COL1A1: variants seen among roughly 807,000 people sequenced by gnomAD.
COL1A1 encodes the protein collagen alpha-1(I) chain.
In COL1A1, 21 loss-of-function variants were observed where a neutral mutation model predicts 195.7. The ratio of observed to expected loss-of-function variants is 0.11; its 90% confidence interval spans 0.08 to 0.15. The LOEUF (loss-of-function observed/expected upper bound fraction) is 0.15. COL1A1 is among the 10% of genes least tolerant of loss of function. The probability of loss-of-function intolerance (pLI) is 1.00; values close to 1 mark genes in which losing one functional copy is unlikely to be tolerated. For missense variants in COL1A1, 1,365 were observed against 2,051.0 expected (o/e 0.67, Z 6.46); for synonymous variants, 749 against 747.3 (o/e 1.00, Z -0.04).
intron 45 of COL1A1, 32 bp from the exon 46 acceptor site, chr17:50,187,569 C>T (rs1367894664): frequency 6.2e-7 from 1 of 1,612,444 alleles, no homozygotes; most frequent in Non-Finnish European, 8.5e-7. Context: ...CAGTTCAGGC[C>T]CAGTGAGCGT....
Position 50,195,264 on chromosome 17 carries a change from G to A in COL1A1, c.1267C>T (p.Pro423Ser). The A allele has an allele frequency of 1.9e-6, 3 of 1,613,496 alleles. No individual in the cohort carries two copies. Among genetic ancestry groups the A allele is most frequent in the Non-Finnish European group, 2.5e-6 (3 of 1,179,720 alleles). The change falls in exon 19 of 51, where the codon CCC becomes TCC. Residue 423 changes from proline to serine, a missense_variant. Around this residue, in one of 5 missense-constraint regions of COL1A1, gnomAD observed 226 missense variants for 372.9 expected, o/e 0.61. Coordinates refer to ENST00000225964, the MANE Select transcript of COL1A1 (RefSeq NM_000088.4). The surrounding 1 kb of genome is among the most constrained non-coding windows in gnomAD (Gnocchi z 4.3). ...GARGPSGPQG[P>S]GGPPGPKGNS... ...CCCTTGGGACCAGGAGGGCCGCCGG[G>A]GCCCTGGGGTCCAGAGGGGCCTCGG... is the stretch of plus-strand genomic sequence containing the variant.
chr17:50,201,308 G>C (rs768457881), intron 1 of COL1A1, 103 bp downstream of exon 1: 4 of 1,053,790 alleles, frequency 3.8e-6, no homozygotes, highest in East Asian at 5.1e-5. Flanking sequence ...TTCCATTCCC[G>C]AGTCTCCGGA....
chr17:50,197,496 G>A (rs1640998946), intron 9 of COL1A1, among the ~76,000 whole-genome samples: 1 of 152,240 alleles, frequency 6.6e-6, no homozygotes, highest in Non-Finnish European at 1.5e-5. Context: ...TCCCCAAAGG[G>A]ATGGGGTTGG....
At chr17:50,192,104 C>G in intron 29 of COL1A1, 80 bp from the exon 30 acceptor site, 1 of 1,478,172 alleles carries the variant, frequency 6.8e-7, no homozygotes, top group Non-Finnish European at 9.3e-7. Flanking sequence ...GTCCTTCCTC[C>G]TGGGGTCTGG....
rs765992067 is a variant in COL1A1, at chr17:50,190,138, G to A, written c.2452-30C>T. 1 of 1,588,666 alleles carries A rather than the reference G, an allele frequency of 6.3e-7. No individual in the cohort carries two copies. Among genetic ancestry groups the A allele is most frequent in the South Asian group, 1.1e-5 (1 of 90,566 alleles). Reference sequence around the variant, plus strand: ...GGGAGGAAGCAGGGCGGTGAATGGAGGGAAGGAGGCAGGAGTTTCCACTAC... The same window carrying A: ...GGGAGGAAGCAGGGCGGTGAATGGAAGGAAGGAGGCAGGAGTTTCCACTAC... On this transcript the variant is annotated intron_variant, in intron 35 of 50. Coordinates refer to ENST00000225964, the MANE Select transcript of COL1A1 (RefSeq NM_000088.4). The surrounding 1 kb of genome is among the most constrained non-coding windows in gnomAD (Gnocchi z 4.7).
Position 50,190,854 on chromosome 17 carries a change from A to G in COL1A1, c.2306T>C (p.Ile769Thr), listed in dbSNP as rs1339732084. Reference sequence around the variant, plus strand: ...GGCACCAGCAGGGCCAGGAGGACCAATGGGGCCAGTCAGACCACGGACGCC... The same window carrying G: ...GGCACCAGCAGGGCCAGGAGGACCAGTGGGGCCAGTCAGACCACGGACGCC... ...KDGVRGLTGPIGPPGPAGAPG... is the reference protein window; with the variant it reads ...KDGVRGLTGPTGPPGPAGAPG... The change falls in exon 33 of 51, where the codon ATT becomes ACT. Residue 769 changes from isoleucine (I) to threonine (T), a missense_variant. By Grantham distance (89) the Ile-to-Thr change is moderately conservative. Coordinates refer to ENST00000225964, the MANE Select transcript of COL1A1 (RefSeq NM_000088.4). This position sits in a 1 kb window ranked among gnomAD's most constrained non-coding sequence, Gnocchi z 4.7. 5 of 1,613,730 alleles carry G rather than the reference A, an allele frequency of 3.1e-6. No homozygotes were observed. The highest frequency in any genetic ancestry group is 4.2e-6 in the Non-Finnish European group (5 of 1,179,806).
At chr17:50,191,345 C>A (rs1567757030) in intron 32 of COL1A1, 38 bp downstream of exon 32, 2 of 1,550,228 alleles carry the variant, frequency 1.3e-6, no homozygotes, top group Admixed American at 1.7e-5. Context: ...GAGATGGGAG[C>A]CATGTAGGGC....
At position 50,194,343 on chromosome 17, in the gene COL1A1, C is replaced by T; in HGVS notation, c.1614+6G>A. 1 of 1,614,076 alleles carries T rather than the reference C, an allele frequency of 6.2e-7. No individual in the cohort carries two copies. Among genetic ancestry groups the T allele is most frequent in the Non-Finnish European group, 8.5e-7 (1 of 1,179,992 alleles). ...GCCAAGCCAGGCTGAAAGCCTGGGGCCTCACCTTGGCACCAGGCAGACCAG... is the reference window on the plus strand; with the variant it reads ...GCCAAGCCAGGCTGAAAGCCTGGGGTCTCACCTTGGCACCAGGCAGACCAG... On this transcript the variant is annotated splice_donor_region_variant and intron_variant, in intron 23 of 50. Transcript: ENST00000225964. The surrounding 1 kb of genome is among the most constrained non-coding windows in gnomAD (Gnocchi z 6.8).
chr17:50,197,696 G>A, intron 9 of COL1A1, 36 bp downstream of exon 9: 5 of 1,522,712 alleles, frequency 3.3e-6, no homozygotes, highest in Non-Finnish European at 3.5e-6. Flanking sequence ...TGGAGGCCAT[G>A]GGGTCAGATG....
chr17:50,199,119 C>A (rs1598301050), intron 5 of COL1A1, 107 bp downstream of exon 5: 1 of 1,332,680 alleles, frequency 7.5e-7, no homozygotes, highest in South Asian at 1.8e-5. Flanking sequence ...AGGATTCTTG[C>A]AACTTTTCTG....
Position 50,194,059 on chromosome 17 carries a change from G to C in COL1A1, c.1669-18C>G, listed in dbSNP as rs768091337. 1.2e-6 allele frequency: 2 copies of C among 1,612,528 alleles called. No individual in the cohort carries two copies. The highest frequency in any genetic ancestry group is 2.2e-5 in the South Asian group (2 of 91,032). On this transcript the variant is annotated intron_variant, in intron 24 of 50. Coordinates refer to ENST00000225964, the MANE Select transcript of COL1A1 (RefSeq NM_000088.4). The surrounding 1 kb of genome is among the most constrained non-coding windows in gnomAD (Gnocchi z 6.8). ...GCGGGACCCTAAGGATGGGAGGCAC[G>C]AAAGCAGCAGTGAGGACAGCAGGGA...
Position 50,185,611 on chromosome 17 carries a change from T to C in COL1A1, c.4286A>G (p.Tyr1429Cys). The C allele has an allele frequency of 6.2e-7, 1 of 1,613,852 alleles. No homozygotes were observed. Among genetic ancestry groups the C allele is most frequent in the Middle Eastern group, 1.6e-4 (1 of 6,062 alleles). Residue 1429 changes from tyrosine (Y) to cysteine (C), a missense_variant, in exon 51 of 51, where the codon TAC (tyrosine) becomes TGC (cysteine). Around this residue, in one of 5 missense-constraint regions of COL1A1, gnomAD observed 273 missense variants for 338.6 expected, o/e 0.81. Transcript: ENST00000225964. ...TGAWGKTVIE[Y>C]KTTKTSRLPI... ...CAGGCGGGAGGTCTTGGTGGTTTTG[T>C]ATTCAATCACTGTCTTGCCCCAGGC...
In COL1A1 at chr17:50,194,344, C is replaced by T; in HGVS notation, c.1614+5G>A. 6.2e-7 allele frequency: 1 copy of T among 1,614,090 alleles called. No individual in the cohort carries two copies. Among genetic ancestry groups the T allele is most frequent in the Non-Finnish European group, 8.5e-7 (1 of 1,180,014 alleles). ...CCAAGCCAGGCTGAAAGCCTGGGGC[C>T]TCACCTTGGCACCAGGCAGACCAGC... On this transcript the variant is annotated splice_donor_5th_base_variant and intron_variant, in intron 23 of 50. Transcript: ENST00000225964. This position sits in a 1 kb window ranked among gnomAD's most constrained non-coding sequence, Gnocchi z 6.8.
Position 50,188,800 on chromosome 17 carries a change from A to G in COL1A1, c.3046-5T>C. On this transcript the variant is annotated splice_region_variant and splice_polypyrimidine_tract_variant and intron_variant, in intron 41 of 50. Transcript: ENST00000225964. The surrounding 1 kb of genome is among the most constrained non-coding windows in gnomAD (Gnocchi z 5.6). ...ACCTTCGGCACCAGGAGCCCCCTGCAGAGAGAGAGAGAGAGAAGTGAGAGT... is the reference window on the plus strand; with the variant it reads ...ACCTTCGGCACCAGGAGCCCCCTGCGGAGAGAGAGAGAGAGAAGTGAGAGT... 1 of 675,860 alleles carries G rather than the reference A, an allele frequency of 1.5e-6. No homozygotes were observed. Among genetic ancestry groups the G allele is most frequent in the Non-Finnish European group, 2.0e-6 (1 of 504,808 alleles). The allele number at this position is 675,860 out of a possible 1,614,324, so 41.9% of individuals were successfully genotyped here. A position where few individuals can be genotyped will look rare whatever the true frequency, so the allele number is the denominator to read the frequency against.
At position 50,189,121 on chromosome 17, in the gene COL1A1, CTG is replaced by C. The variant is rs1385888929; in HGVS notation, c.2937+45_2937+46del. On this transcript the variant is annotated intron_variant, in intron 40 of 50. Coordinates refer to ENST00000225964, the MANE Select transcript of COL1A1 (RefSeq NM_000088.4). This position sits in a 1 kb window ranked among gnomAD's most constrained non-coding sequence, Gnocchi z 5.5. ...CCTTGGCTCCGCCCCACTCCAAGTC[CTG>C]TGATGGTTTTTCTCAGGGCCCCCCA... 6.2e-7 allele frequency: 1 copy of C among 1,603,236 alleles called. No individual in the cohort carries two copies. The highest frequency in any genetic ancestry group is 1.1e-5 in the South Asian group (1 of 90,792).
chr17:50,191,196 G>A (rs1361778908), intron 32 of COL1A1, among the ~76,000 whole-genome samples, 187 bp downstream of exon 32: 1 of 152,154 alleles, frequency 6.6e-6, no homozygotes, highest in Non-Finnish European at 1.5e-5. Context: ...GGTAACCCAT[G>A]GGGATAGATG....
At position 50,186,586 on chromosome 17, in the gene COL1A1, G is replaced by A. The variant is rs1215766016; in HGVS notation, c.3814+54C>T. Reference sequence around the variant, plus strand: ...ATGGTAGGGGCACATATGGGCATGGGGACCCTGGCATGGCAGGAGTAGGAG... The same window carrying A: ...ATGGTAGGGGCACATATGGGCATGGAGACCCTGGCATGGCAGGAGTAGGAG... On this transcript the variant is annotated intron_variant, in intron 48 of 50. Transcript: ENST00000225964. The surrounding 1 kb of genome is among the most constrained non-coding windows in gnomAD (Gnocchi z 5.3). 1 of 1,613,480 alleles carries A rather than the reference G, an allele frequency of 6.2e-7. No individual in the cohort carries two copies. The highest frequency in any genetic ancestry group is 8.5e-7 in the Non-Finnish European group (1 of 1,179,852).
At position 50,195,819 on chromosome 17, in the gene COL1A1, G is replaced by T; in HGVS notation, c.1056+104C>A. The T allele has an allele frequency of 7.1e-7, 1 of 1,410,008 alleles. No homozygotes were observed. The highest frequency in any genetic ancestry group is 9.8e-7 in the Non-Finnish European group (1 of 1,018,664). The allele number at this position is 1,410,008 out of a possible 1,614,324, so 87.3% of individuals were successfully genotyped here. A position where few individuals can be genotyped will look rare whatever the true frequency, so the allele number is the denominator to read the frequency against. On this transcript the variant is annotated intron_variant, in intron 16 of 50. Transcript: ENST00000225964. This position sits in a 1 kb window ranked among gnomAD's most constrained non-coding sequence, Gnocchi z 4.3. Reference sequence around the variant, plus strand: ...ACCCAGGACAAAGGTGTTAGTGAACGGGCTGCTCTCTTGCCACTCTGGGTC... The same window carrying T: ...ACCCAGGACAAAGGTGTTAGTGAACTGGCTGCTCTCTTGCCACTCTGGGTC...
Position 50,188,471 on chromosome 17 carries a change from G to A in COL1A1, c.3207+59C>T. Reference sequence around the variant, plus strand: ...CCGACACCCATCCCCAGGCCTCTAAGGAGGCCTGAAGAGTCCCTGGCCTGA... The same window carrying A: ...CCGACACCCATCCCCAGGCCTCTAAAGAGGCCTGAAGAGTCCCTGGCCTGA... On this transcript the variant is annotated intron_variant, in intron 43 of 50. Coordinates refer to ENST00000225964, the MANE Select transcript of COL1A1 (RefSeq NM_000088.4). This position sits in a 1 kb window ranked among gnomAD's most constrained non-coding sequence, Gnocchi z 5.6. 2 of 1,488,180 alleles carry A rather than the reference G, an allele frequency of 1.3e-6. No homozygotes were observed. Among genetic ancestry groups the A allele is most frequent in the East Asian group, 4.5e-5 (2 of 44,324 alleles). The allele number at this position is 1,488,180 out of a possible 1,614,324, so 92.2% of individuals were successfully genotyped here.
Sources: allele counts gnomAD v4.1 joint callset (sites outside exome capture counted in the v4.1 genomes callset), GRCh38; gene constraint gnomAD v4.1.1; regional missense constraint gnomAD v4.1.1; non-coding constraint Gnocchi (gnomAD v3.1); transcripts MANE v1.5; gene names NCBI Gene and HGNC (gene_info 2026-07-23, HGNC 2026-07-21).